Variants in CSMD1 observed in about 807,000 individuals in gnomAD.
CSMD1 encodes CUB and Sushi multiple domains 1.
In CSMD1, 213 loss-of-function variants were observed where a neutral mutation model predicts 417.5. The observed-to-expected ratio is 0.51, with a 90% CI of 0.46 to 0.57. CSMD1 has a LOEUF of 0.57. CSMD1 is among the 20% of genes least tolerant of loss of function. CSMD1 has a pLI of 0.00. For synonymous variants in CSMD1, 2,862 were observed against 1,736.8 expected, an observed-to-expected ratio of 1.65 and a Z score of -16.11; for missense variants, 6,923 against 4,529.7, an observed-to-expected ratio of 1.53 and a Z score of -15.17.
intron 5 of CSMD1, among the ~76,000 whole-genome samples, chr8:3,807,867 T>A (rs74765899): frequency 6.6e-6 from 1 of 152,144 alleles, no homozygotes; most frequent in South Asian, 2.1e-4. Flanking sequence ...CTTGGGGTAA[T>A]GCTAAGTACA....
intron 3 of CSMD1, among the ~76,000 whole-genome samples, chr8:4,078,888 TAATAATA>T: frequency 1.7e-5 from 2 of 117,444 alleles, no homozygotes; most frequent in African/African-American, 7.7e-5. Context: ...TTAATAATAA[TAATAATA>T]AATATATATA....
intron 6 of CSMD1, among the ~76,000 whole-genome samples, chr8:3,724,408 T>C (rs1802371788): frequency 6.6e-6 from 1 of 152,206 alleles, no homozygotes; most frequent in South Asian, 2.1e-4. Flanking sequence ...AGGAGTATTG[T>C]CACTTTTAAA....
chr8:3,465,386 T>C (rs1263460296), intron 12 of CSMD1, among the ~76,000 whole-genome samples: 1 of 152,136 alleles, frequency 6.6e-6, no homozygotes, highest in Non-Finnish European at 1.5e-5. Context: ...AAATCTCACA[T>C]ATGCCCAAGC....
At chr8:3,560,552 G>T (rs946437861) in intron 10 of CSMD1, among the ~76,000 whole-genome samples, 8 of 152,142 alleles carry the variant, frequency 5.3e-5, no homozygotes, top group African/African-American at 1.4e-4. Flanking sequence ...GCTCCTCTGA[G>T]TTATAAATGA....
chr8:3,737,791 G>T (rs1340944206), intron 6 of CSMD1, among the ~76,000 whole-genome samples: 1 of 152,060 alleles, frequency 6.6e-6, no homozygotes, highest in African/African-American at 2.4e-5. Context: ...GAAATCAAAG[G>T]AGACAAATAA....
chr8:4,510,325 T>A (rs573489580), intron 2 of CSMD1, among the ~76,000 whole-genome samples: 1 of 132,948 alleles, frequency 7.5e-6, no homozygotes, highest in African/African-American at 2.8e-5. Flanking sequence ...TACAACTAAA[T>A]ATTTCCCAGG....
At chr8:3,629,170 G>T (rs866785326) in intron 7 of CSMD1, among the ~76,000 whole-genome samples, 2 of 152,068 alleles carry the variant, frequency 1.3e-5, no homozygotes, top group East Asian at 3.9e-4. Context: ...TTCGCAGGAC[G>T]CAGGGGAACT....
intron 23 of CSMD1, among the ~76,000 whole-genome samples, chr8:3,331,967 GATAA>G (rs1364151040): frequency 2.6e-5 from 4 of 152,228 alleles, no homozygotes; most frequent in African/African-American, 7.2e-5. Context: ...ACAGATCATA[GATAA>G]ATAATGATAG....
chr8:4,457,285 T>C (rs184987349), intron 2 of CSMD1, among the ~76,000 whole-genome samples: 1 of 152,136 alleles, frequency 6.6e-6, no homozygotes, highest in African/African-American at 2.4e-5. Context: ...CATATATCAT[T>C]TGAATTGCAT....
At chr8:4,451,850 A>G (rs1211634702) in intron 2 of CSMD1, among the ~76,000 whole-genome samples, 1 of 151,874 alleles carries the variant, frequency 6.6e-6, no homozygotes, top group Non-Finnish European at 1.5e-5. Context: ...TAATTCACTC[A>G]TTTATGCTTT....
intron 1 of CSMD1, among the ~76,000 whole-genome samples, chr8:4,668,143 T>A (rs1805056688): frequency 6.6e-6 from 1 of 152,194 alleles, no homozygotes; most frequent in Non-Finnish European, 1.5e-5. Context: ...TCAATGAGTT[T>A]TCTGAAGTTT....
intron 2 of CSMD1, among the ~76,000 whole-genome samples, chr8:4,624,893 G>A (rs1585349890): frequency 6.6e-6 from 1 of 152,070 alleles, no homozygotes; most frequent in East Asian, 1.9e-4. Context: ...GGCAGAGAAG[G>A]CACTGGCATT....
intron 1 of CSMD1, among the ~76,000 whole-genome samples, chr8:4,843,912 C>A (rs1800982411): frequency 1.3e-5 from 2 of 152,258 alleles, no homozygotes; most frequent in Middle Eastern, 3.4e-3. Flanking sequence ...TTTCTGGGTG[C>A]ACAGGAGTTA....
chr8:3,223,156 T>C (rs1192875537), intron 28 of CSMD1, among the ~76,000 whole-genome samples: 1 of 152,234 alleles, frequency 6.6e-6, no homozygotes, highest in African/African-American at 2.4e-5. Flanking sequence ...TTAAAGAGTT[T>C]ATTTTCATAA....
chr8:4,667,086 A>T (rs1274473944), intron 1 of CSMD1, among the ~76,000 whole-genome samples: 4 of 152,212 alleles, frequency 2.6e-5, no homozygotes, highest in African/African-American at 9.6e-5. Context: ...CAGTTATTAC[A>T]GAATCCTTTG....
At chr8:3,027,395 G>A (rs1018865469) in intron 51 of CSMD1, among the ~76,000 whole-genome samples, 38 of 152,124 alleles carry the variant, frequency 2.5e-4, no homozygotes, top group African/African-American at 9.2e-4. Flanking sequence ...GTTTTTATGA[G>A]AAAACAAGGA....
chr8:4,264,353 G>C (rs577733311), intron 3 of CSMD1, among the ~76,000 whole-genome samples: 5 of 152,260 alleles, frequency 3.3e-5, no homozygotes, highest in South Asian at 2.1e-4. Context: ...CAGAATAAGA[G>C]CTCCTGTCTT....
At chr8:4,587,776 C>G (rs2724991) in intron 2 of CSMD1, among the ~76,000 whole-genome samples, 103,190 of 152,072 alleles carry the variant, frequency 0.68, 36,216 homozygotes, top group African/African-American at 0.87. Context: ...AACACAAGCA[C>G]TTTTCACATT....
chr8:3,721,096 T>G (rs1247510512), intron 6 of CSMD1, among the ~76,000 whole-genome samples: 1 of 152,170 alleles, frequency 6.6e-6, no homozygotes, highest in Non-Finnish European at 1.5e-5. Flanking sequence ...GTGCTGGGAT[T>G]ACAGGTGTGA....
Sources: allele counts gnomAD v4.1 joint callset (sites outside exome capture counted in the v4.1 genomes callset), GRCh38; gene constraint gnomAD v4.1.1; transcripts MANE v1.5; gene names NCBI Gene and HGNC (gene_info 2026-07-23, HGNC 2026-07-21).